The following CD86 variants were observed in gnomAD, a reference collection of about 807,000 sequenced individuals.
The protein encoded by CD86 is CD86 molecule.
A neutral mutation model predicts 32.1 loss-of-function variants in CD86; 11 were observed. The ratio of observed to expected loss-of-function variants is 0.34; its 90% CI spans 0.22 to 0.57. The LOEUF (loss-of-function observed/expected upper bound fraction) is 0.57, where lower values mean the gene tolerates loss of function less well. CD86 is among the 20% of genes least tolerant of loss of function. The probability of loss-of-function intolerance (pLI) is 0.86; values close to 1 mark genes in which losing one functional copy is unlikely to be tolerated. For missense variants in CD86, 359 were observed against 398.4 expected (o/e 0.90, Z 0.84); for synonymous variants, 137 against 135.3 (o/e 1.01, Z -0.09).
chr3:122,075,610 C>T (rs1436404122), intron 1 of CD86, among the ~76,000 whole-genome samples: 1 of 152,142 alleles, frequency 6.6e-6, no homozygotes, highest in African/African-American at 2.4e-5. Flanking sequence ...CTGAAGGGGT[C>T]CTTGCTTGAG....
At chr3:122,107,854 T>C (rs2107543243) in intron 4 of CD86, among the ~76,000 whole-genome samples, 1 of 152,364 alleles carries the variant, frequency 6.6e-6, no homozygotes, top group African/African-American at 2.4e-5. Flanking sequence ...TGCTACTGAC[T>C]TCTTCCTATT....
At chr3:122,063,691 C>T (rs115998101) in intron 1 of CD86, among the ~76,000 whole-genome samples, 2,634 of 151,610 alleles carry the variant, frequency 0.017, 78 homozygotes, top group African/African-American at 0.06. Flanking sequence ...CTTCACCTCC[C>T]GGGTTCAGGA....
At chr3:122,106,840 G>GCACACATACA (rs1553754166) in intron 4 of CD86, among the ~76,000 whole-genome samples, 1 of 143,476 alleles carries the variant, frequency 7.0e-6, no homozygotes, top group African/African-American at 2.6e-5. Context: ...ACATGCGCTT[G>GCACACATACA]CACACACACA....
At chr3:122,107,199 A>T (rs370974953) in intron 4 of CD86, among the ~76,000 whole-genome samples, 1 of 152,188 alleles carries the variant, frequency 6.6e-6, no homozygotes, top group African/African-American at 2.4e-5. Context: ...TGTAACATGT[A>T]AAATAAATTA....
chr3:122,102,027 C>G (rs2073017838), intron 2 of CD86, among the ~76,000 whole-genome samples: 2 of 152,152 alleles, frequency 1.3e-5, no homozygotes, highest in Admixed American at 1.3e-4. Context: ...CTGATGCCTG[C>G]TGTCTGCTTC....
chr3:122,064,580 G>C (rs920295573), intron 1 of CD86, among the ~76,000 whole-genome samples: 3 of 152,154 alleles, frequency 2.0e-5, no homozygotes, highest in African/African-American at 7.2e-5. Context: ...AGTGCTTCTG[G>C]TCACCACTCT....
At chr3:122,102,224 C>G (rs762036758) in intron 2 of CD86, among the ~76,000 whole-genome samples, 3 of 152,030 alleles carry the variant, frequency 2.0e-5, no homozygotes, top group Non-Finnish European at 2.9e-5. Context: ...TCTCATCTCT[C>G]TCATCAACCC....
At chr3:122,097,709 G>A (rs1198583996) in intron 2 of CD86, among the ~76,000 whole-genome samples, 4 of 152,156 alleles carry the variant, frequency 2.6e-5, no homozygotes, top group Non-Finnish European at 4.4e-5. Context: ...AAAGTACTGA[G>A]TTAGCGTGGG....
At chr3:122,065,088 A>C (rs560033596) in intron 1 of CD86, among the ~76,000 whole-genome samples, 2 of 152,182 alleles carry the variant, frequency 1.3e-5, no homozygotes, top group Non-Finnish European at 2.9e-5. Context: ...CTGATTTTCC[A>C]TAAGTGAAAA....
At chr3:122,094,073 C>A (rs1316325567) in intron 2 of CD86, among the ~76,000 whole-genome samples, 3 of 152,200 alleles carry the variant, frequency 2.0e-5, no homozygotes, top group Admixed American at 2.0e-4. Context: ...GCAGCTGACA[C>A]CTCAGTTGAC....
At chr3:122,116,671 C>T (rs532540744) in intron 5 of CD86, among the ~76,000 whole-genome samples, 3 of 152,138 alleles carry the variant, frequency 2.0e-5, no homozygotes, top group South Asian at 2.1e-4. Context: ...CATCAGTTGG[C>T]GGTGGTATAT....
chr3:122,078,563 A>C (rs2072586712), intron 1 of CD86, among the ~76,000 whole-genome samples: 1 of 152,088 alleles, frequency 6.6e-6, no homozygotes. Flanking sequence ...CTTCCCATCC[A>C]AGTGCCCCAT....
chr3:122,102,071 T>C (rs955804372), intron 2 of CD86, among the ~76,000 whole-genome samples: 1 of 152,146 alleles, frequency 6.6e-6, no homozygotes, highest in Non-Finnish European at 1.5e-5. Context: ...AACCCCTTGA[T>C]TATGTGTTCT....
intron 2 of CD86, among the ~76,000 whole-genome samples, chr3:122,101,458 T>C (rs2072998064): frequency 7.6e-6 from 1 of 132,396 alleles, no homozygotes; most frequent in Admixed American, 8.1e-5. Context: ...GTGGACAGAA[T>C]GGATGGGAAG....
chr3:122,078,352 G>A (rs2072583458), intron 1 of CD86, among the ~76,000 whole-genome samples: 1 of 152,192 alleles, frequency 6.6e-6, no homozygotes, highest in African/African-American at 2.4e-5. Flanking sequence ...TCTTGGCTTT[G>A]GGGTGCTGGG....
intron 5 of CD86, among the ~76,000 whole-genome samples, chr3:122,112,847 T>A (rs2073196288): frequency 6.6e-6 from 1 of 152,202 alleles, no homozygotes; most frequent in Non-Finnish European, 1.5e-5. Context: ...TTTTTCAAAA[T>A]TTTTATTTGA....
At chr3:122,061,663 G>T (rs1485009092) in intron 1 of CD86, among the ~76,000 whole-genome samples, 1 of 152,120 alleles carries the variant, frequency 6.6e-6, no homozygotes, top group East Asian at 1.9e-4. Context: ...TATAAAAATG[G>T]TTAAAATAAT....
chr3:122,107,288 GA>G (rs2073107132), intron 4 of CD86, among the ~76,000 whole-genome samples: 1 of 152,172 alleles, frequency 6.6e-6, no homozygotes, highest in African/African-American at 2.4e-5. Flanking sequence ...TTCCGTAGCT[GA>G]AAAAATTTGA....
At chr3:122,091,037 C>T (rs1035286353) in intron 1 of CD86, among the ~76,000 whole-genome samples, 4 of 152,138 alleles carry the variant, frequency 2.6e-5, no homozygotes, top group African/African-American at 4.8e-5. Context: ...GATTTCTAAG[C>T]GTAAATGCAA....
Sources: allele counts gnomAD v4.1 joint callset (sites outside exome capture counted in the v4.1 genomes callset), GRCh38; gene constraint gnomAD v4.1.1; transcripts MANE v1.5; gene names NCBI Gene and HGNC (gene_info 2026-07-23, HGNC 2026-07-21).